WDR91: variants seen among roughly 807,000 people sequenced by gnomAD.
WDR91 encodes the protein WD repeat domain 91.
In WDR91, 52 loss-of-function variants were observed where a neutral mutation model predicts 88.4. The observed-to-expected ratio is 0.59, with a 90% CI of 0.47 to 0.74. The LOEUF (loss-of-function observed/expected upper bound fraction) is 0.74. Ranked by LOEUF, WDR91 falls within the 30% of genes least tolerant of loss-of-function variation. The pLI, the probability that WDR91 is intolerant of heterozygous loss-of-function variation, is 0.00. For synonymous variants in WDR91, 362 were observed against 389.5 expected, an observed-to-expected ratio of 0.93 and a Z score of 0.83; for missense variants, 824 against 954.5, an observed-to-expected ratio of 0.86 and a Z score of 1.80.
At chr7:135,207,700 G>C (rs1831849095) in intron 3 of WDR91, among the ~76,000 whole-genome samples, 1 of 152,220 alleles carries the variant, frequency 6.6e-6, no homozygotes, top group Admixed American at 6.5e-5. Flanking sequence ...AAAGCTTTCT[G>C]CAGATTGCGT....
rs141678390 is a variant in WDR91 at position 135,193,802 on chromosome 7, C to G, written c.1396-130G>C. On this transcript the variant is annotated intron_variant, in intron 9 of 14. Transcript: ENST00000354475. ...CCCTCCTCTACGCATCCAGGCAGTTCAGGGGAAATCTGGCTACAATGAGCC... is the reference window on the plus strand; with the variant it reads ...CCCTCCTCTACGCATCCAGGCAGTTGAGGGGAAATCTGGCTACAATGAGCC... 7.5e-4 allele frequency: 521 copies of G among 694,914 alleles called. 3 individuals are homozygous for G. Among genetic ancestry groups the G allele is most frequent in the Non-Finnish European group, 1.1e-3 (450 of 404,198 alleles). 43.0% of individuals were successfully genotyped at this position (694,914 alleles called of 1,614,324 possible).
In WDR91 at chr7:135,192,117, T is replaced by G. The variant is rs868649449; in HGVS notation, c.1659+1114A>C. Among the ~76,000 whole-genome samples, 345 of 144,056 alleles carry G rather than the reference T, an allele frequency of 2.4e-3. 3 individuals are homozygous for G. Among genetic ancestry groups the G allele is most frequent in the African/African-American group, 8.0e-3 (314 of 39,164 alleles). 94.5% of individuals were successfully genotyped at this position (144,056 alleles called of 152,430 possible). On this transcript the variant is annotated intron_variant, in intron 11 of 14. Coordinates refer to ENST00000354475, the MANE Select transcript of WDR91 (RefSeq NM_014149.4). ...CCCCAATTTCTGTTGTGTTTTTTTT[T>G]TTTTTTTTTTTTTTTTTTGAGACAG...
rs755248920 is a variant in WDR91, at chr7:135,209,005, A to G, written c.304-7T>C. On this transcript the variant is annotated splice_polypyrimidine_tract_variant and splice_region_variant and intron_variant, in intron 2 of 14. Coordinates refer to ENST00000354475, the MANE Select transcript of WDR91 (RefSeq NM_014149.4). ...CCTTGTCATTTCTGTTTGTCTGCCAAGACACAAGGAGGTAGCAAGGAGGGA... is the reference window on the plus strand; with the variant it reads ...CCTTGTCATTTCTGTTTGTCTGCCAGGACACAAGGAGGTAGCAAGGAGGGA... The G allele has an allele frequency of 5.6e-5, 91 of 1,612,602 alleles. No individual in the cohort carries two copies. The highest frequency in any genetic ancestry group is 7.7e-5 in the Non-Finnish European group (91 of 1,179,088).
In WDR91 at chr7:135,207,174, C is replaced by G; in HGVS notation, c.540G>C (p.Ala180=). ...MPVPVILNFD[A]ECQRTNQVQE... ...GAACCTGGTTAGTCCTCTGACACTC[C>G]GCATCAAAGTTCAGGATCACAGGGA... Residue 180 remains alanine, a synonymous_variant, in exon 4 of 15, where the codon GCG becomes GCC. Transcript: ENST00000354475. 2 of 1,607,380 alleles carry G rather than the reference C, an allele frequency of 1.2e-6. No homozygotes were observed. The highest frequency in any genetic ancestry group is 1.7e-6 in the Non-Finnish European group (2 of 1,175,330).
Position 135,196,474 on chromosome 7 carries a change from A to C in WDR91, c.1051-137T>G. 1.2e-6 allele frequency: 1 copy of C among 814,418 alleles called. No individual in the cohort carries two copies. Among genetic ancestry groups the C allele is most frequent in the Non-Finnish European group, 1.8e-6 (1 of 564,504 alleles). 50.4% of individuals were successfully genotyped at this position (814,418 alleles called of 1,614,324 possible). On this transcript the variant is annotated intron_variant, in intron 7 of 14. Transcript: ENST00000354475. This position sits in a 1 kb window ranked among gnomAD's most constrained non-coding sequence, Gnocchi z 4.2. Reference sequence around the variant, plus strand: ...TTACAGAGTGGAGAGGAGAGCTCTGACCTGCGAGGGTAGTGCTCAGCTCAC... The same window carrying C: ...TTACAGAGTGGAGAGGAGAGCTCTGCCCTGCGAGGGTAGTGCTCAGCTCAC...
rs113347197 is a variant in WDR91, at chr7:135,191,115, A to G, written c.1660-1663T>C. 1.2e-4 allele frequency among the ~76,000 whole-genome samples: 18 copies of G among 152,328 alleles called. 1 individual carries two copies. The highest frequency in any genetic ancestry group is 4.3e-4 in the African/African-American group (18 of 41,588). ...GGAATGCCAATTACATGGAGAGCTA[A>G]TGTCCCGGTCTCAGCAAAGGCAGCC... On this transcript the variant is annotated intron_variant, in intron 11 of 14. Transcript: ENST00000354475.
At chr7:135,210,887 C>T in intron 1 of WDR91, 1 of 703,682 alleles carries the variant, frequency 1.4e-6, no homozygotes, top group Non-Finnish European at 2.6e-6. Flanking sequence ...TCTAATGTGC[C>T]ATGAGGTCTT....
chr7:135,204,134 A>G lies in WDR91; in HGVS notation c.891+134T>C. 4 of 1,003,364 alleles carry G rather than the reference A, an allele frequency of 4.0e-6. No individual in the cohort carries two copies. In the South Asian group the frequency reaches 5.7e-5, roughly 14 times the overall value. The allele number at this position is 1,003,364 out of a possible 1,614,324, so 62.2% of individuals were successfully genotyped here. A position where few individuals can be genotyped will look rare whatever the true frequency, so the allele number is the denominator to read the frequency against. Reference sequence around the variant, plus strand: ...AAAGGGAATGAGATTTCAATTCAGAATCTCATCAACATGCCCAAGAAATCA... The same window carrying G: ...AAAGGGAATGAGATTTCAATTCAGAGTCTCATCAACATGCCCAAGAAATCA... On this transcript the variant is annotated intron_variant, in intron 6 of 14. Coordinates refer to ENST00000354475, the MANE Select transcript of WDR91 (RefSeq NM_014149.4).
intron 2 of WDR91, 118 bp from the exon 3 acceptor site, chr7:135,209,116 A>G (rs1325090576): frequency 2.7e-6 from 2 of 730,920 alleles, no homozygotes; most frequent in Non-Finnish European, 4.4e-6. Context: ...AAGTGGCAAA[A>G]TAAAATTCCA....
In WDR91 at chr7:135,207,139, T is replaced by G. The variant is rs750165534; in HGVS notation, c.575A>C (p.Asn192Thr). The G allele has an allele frequency of 6.2e-7, 1 of 1,607,158 alleles. No individual in the cohort carries two copies. The highest frequency in any genetic ancestry group is 8.5e-7 in the Non-Finnish European group (1 of 1,175,114). ...ACAAACCTTCTGACGCAGAACTTCA[T>G]TTTCTTCTTGAACCTGGTTAGTCCT... ...CQRTNQVQEENEVLRQKLFAL... is the reference protein window; with the variant it reads ...CQRTNQVQEETEVLRQKLFAL... The change falls in exon 4 of 15, where the codon AAT (asparagine) becomes ACT (threonine). Residue 192 changes from asparagine to threonine, a missense_variant. Asn to Thr is a moderately conservative substitution (Grantham distance 65, BLOSUM62 0). Coordinates refer to ENST00000354475, the MANE Select transcript of WDR91 (RefSeq NM_014149.4).
intron 6 of WDR91, chr7:135,202,133 T>C (rs74729481): frequency 2.0e-5 from 3 of 152,392 alleles, no homozygotes; most frequent in East Asian, 3.9e-4. Flanking sequence ...TTTCTTCTAA[T>C]AGCTTTCTAA....
intron 4 of WDR91, among the ~76,000 whole-genome samples, chr7:135,206,732 TTATA>T (rs1169414173): frequency 6.6e-6 from 1 of 151,312 alleles, no homozygotes; most frequent in Non-Finnish European, 1.5e-5. Context: ...TATATATAGT[TTATA>T]TATATACATA....
rs570438508 is a variant in WDR91 at position 135,186,917 on chromosome 7, G to A, written c.2079+55C>T. 1.5e-5 allele frequency: 24 copies of A among 1,606,062 alleles called. No homozygotes were observed. The African/African-American group carries it at 2.0e-4, about 13-fold the overall frequency. On this transcript the variant is annotated intron_variant, in intron 14 of 14. Transcript: ENST00000354475. ...AGTAGCCATGGCCCAGACCTCCAGG[G>A]AGGAACCCCTGCCCACCACAATACC...
intron 14 of WDR91, 97 bp from the exon 15 acceptor site, chr7:135,186,412 C>G (rs1049595749): frequency 6.1e-6 from 8 of 1,308,578 alleles, no homozygotes; most frequent in Non-Finnish European, 7.3e-6. Flanking sequence ...TGCCTGAGGC[C>G]AGACACACAT....
At chr7:135,210,819 T>C in intron 1 of WDR91, 2 of 703,686 alleles carry the variant, frequency 2.8e-6, no homozygotes, top group Non-Finnish European at 5.2e-6. Flanking sequence ...CACACACATA[T>C]ACATTCCAAG....
Position 135,188,794 on chromosome 7 carries a change from C to T in WDR91, c.1769-249G>A, listed in dbSNP as rs143688271. The stretch of plus-strand genomic sequence containing the variant: ...CTCAGGAGTCCCTGGGGGGAGCTCA[C>T]CTGGGGAGCCCTAAGTCTAGGAAGA... On this transcript the variant is annotated intron_variant, in intron 12 of 14. Transcript: ENST00000354475. Among the ~76,000 whole-genome samples, 384 of 152,278 alleles carry T rather than the reference C, an allele frequency of 2.5e-3. 2 individuals carry two copies. The highest frequency in any genetic ancestry group is 8.7e-3 in the African/African-American group (363 of 41,566).
At chr7:135,211,273 G>T in intron 1 of WDR91, 107 bp downstream of exon 1, 1 of 1,450,302 alleles carries the variant, frequency 6.9e-7, no homozygotes, top group South Asian at 1.4e-5. Context: ...CGGCGCCCCG[G>T]CGCGAGTGAC....
rs767334098 is a variant in WDR91 at position 135,211,491 on chromosome 7, G to T, written c.12C>A (p.Ala4=). 3.1e-6 allele frequency: 5 copies of T among 1,611,360 alleles called. No homozygotes were observed. The highest frequency in any genetic ancestry group is 4.2e-6 in the Non-Finnish European group (5 of 1,178,992). Reference sequence around the variant, plus strand: ...GGACCAGCTCGTCAGTGCGCTCCACGGCCTCCGCCATCGCAGCGCTAGCGT... The same window carrying T: ...GGACCAGCTCGTCAGTGCGCTCCACTGCCTCCGCCATCGCAGCGCTAGCGT... MAE[A]VERTDELVRE... Residue 4 remains alanine, a synonymous_variant, in exon 1 of 15, where the codon GCC becomes GCA. Coordinates refer to ENST00000354475, the MANE Select transcript of WDR91 (RefSeq NM_014149.4).
At chr7:135,208,234 T>C (rs2117723605) in intron 3 of WDR91, among the ~76,000 whole-genome samples, 1 of 152,314 alleles carries the variant, frequency 6.6e-6, no homozygotes, top group East Asian at 1.9e-4. Context: ...TGGTAGGCTG[T>C]AAATTATTTA....
Sources: allele counts gnomAD v4.1 joint callset (sites outside exome capture counted in the v4.1 genomes callset), GRCh38; gene constraint gnomAD v4.1.1; non-coding constraint Gnocchi (gnomAD v3.1); transcripts MANE v1.5; gene names NCBI Gene and HGNC (gene_info 2026-07-23, HGNC 2026-07-21).